Variants in CFAP276 observed in about 807,000 individuals in gnomAD.
CFAP276 encodes the protein cilia and flagella associated protein 276.
the CFAP276 span, among the ~76,000 whole-genome samples, chr1:109,111,403 G>C: frequency 6.6e-6 from 1 of 151,798 alleles, no homozygotes; most frequent in African/African-American, 2.4e-5. Context: ...CCAGGAGTTC[G>C]AGGCTGCAGT....
At chr1:109,106,793 G>T in the CFAP276 span, 18 of 1,140,218 alleles carry the variant, frequency 1.6e-5, no homozygotes, top group Admixed American at 4.1e-4. Flanking sequence ...ATTAACCAAA[G>T]ATTTTGTTTA....
the CFAP276 span, among the ~76,000 whole-genome samples, chr1:109,112,047 T>G: frequency 6.6e-6 from 1 of 152,210 alleles, no homozygotes; most frequent in Non-Finnish European, 1.5e-5. Flanking sequence ...TAGACCACAA[T>G]CACCACTTAA....
chr1:109,113,523 CG>C, the CFAP276 span: 2 of 984,346 alleles, frequency 2.0e-6, no homozygotes, highest in Non-Finnish European at 3.0e-6. Flanking sequence ...CGCTTAAACT[CG>C]GATCAACTAC....
chr1:109,111,712 C>G, the CFAP276 span, among the ~76,000 whole-genome samples: 1 of 152,208 alleles, frequency 6.6e-6, no homozygotes, highest in Non-Finnish European at 1.5e-5. Flanking sequence ...CCTTGCATAT[C>G]TGGTTCCTGT....
the CFAP276 span, among the ~76,000 whole-genome samples, chr1:109,110,809 A>G: frequency 1.3e-5 from 2 of 152,142 alleles, no homozygotes; most frequent in African/African-American, 4.8e-5. Flanking sequence ...CTACAAAAAC[A>G]TCTACATAGT....
the CFAP276 span, chr1:109,112,684 A>G: frequency 3.2e-6 from 5 of 1,550,146 alleles, no homozygotes; most frequent in Non-Finnish European, 4.4e-6. Flanking sequence ...AGGCATGGCT[A>G]AATGCCTAAC....
At chr1:109,106,841 T>A in the CFAP276 span, 1 of 893,458 alleles carries the variant, frequency 1.1e-6, no homozygotes. Context: ...TCTGTTCATC[T>A]TAGACAGTGA....
At chr1:109,111,486 T>A in the CFAP276 span, among the ~76,000 whole-genome samples, 47,050 of 145,484 alleles carry the variant, frequency 0.32, 9,830 homozygotes, top group African/African-American at 0.59. Context: ...AAAAAAAAAA[T>A]ATCCCACAAT....
chr1:109,109,041 C>A, the CFAP276 span, among the ~76,000 whole-genome samples: 1 of 152,124 alleles, frequency 6.6e-6, no homozygotes, highest in Non-Finnish European at 1.5e-5. Flanking sequence ...ATGTAAAATG[C>A]CATATTCACC....
the CFAP276 span, among the ~76,000 whole-genome samples, chr1:109,109,533 C>CTTT: frequency 1.0e-4 from 12 of 114,966 alleles, no homozygotes; most frequent in African/African-American, 2.3e-4. Context: ...TGAGCCATAC[C>CTTT]TTTTTTTTTT....
the CFAP276 span, among the ~76,000 whole-genome samples, chr1:109,111,108 A>G: frequency 6.6e-6 from 1 of 151,970 alleles, no homozygotes; most frequent in African/African-American, 2.4e-5. Flanking sequence ...CTCTCATCCT[A>G]TCCAGTCTGC....
chr1:109,108,020 G>GTTTTTTTTTTTT, the CFAP276 span: 1 of 1,605,190 alleles, frequency 6.2e-7, no homozygotes, highest in Non-Finnish European at 8.5e-7. Context: ...GGTGTGTTGG[G>GTTTTTTTTTTTT]TTCTTATATG....
At chr1:109,112,019 G>T in the CFAP276 span, among the ~76,000 whole-genome samples, 1 of 152,064 alleles carries the variant, frequency 6.6e-6, no homozygotes, top group Admixed American at 6.5e-5. Context: ...AATAAAAAGG[G>T]GCTCTCAATA....
the CFAP276 span, chr1:109,107,862 GAA>G: frequency 6.6e-3 from 7,767 of 1,172,994 alleles, no homozygotes; most frequent in Middle Eastern, 7.5e-3. Context: ...TGGGTGACAG[GAA>G]AAAAAAAAAA....
At chr1:109,113,169 C>G in the CFAP276 span, among the ~76,000 whole-genome samples, 1 of 151,998 alleles carries the variant, frequency 6.6e-6, no homozygotes, top group Non-Finnish European at 1.5e-5. Flanking sequence ...GCGGGCGGAT[C>G]GCTTAAGCCC....
chr1:109,110,802 C>T, the CFAP276 span, among the ~76,000 whole-genome samples: 1 of 152,178 alleles, frequency 6.6e-6, no homozygotes, highest in Non-Finnish European at 1.5e-5. Flanking sequence ...ACAGTCACTA[C>T]AAAAACATCT....
At chr1:109,113,056 A>T in the CFAP276 span, among the ~76,000 whole-genome samples, 1 of 152,178 alleles carries the variant, frequency 6.6e-6, no homozygotes, top group Non-Finnish European at 1.5e-5. Flanking sequence ...CTCGCACCTA[A>T]CAAAAGGCTT....
the CFAP276 span, chr1:109,105,991 T>C: frequency 1.3e-6 from 2 of 1,539,398 alleles, no homozygotes; most frequent in South Asian, 2.3e-5. Flanking sequence ...TGGGCCGCAG[T>C]ATGTTTCACT....
chr1:109,113,469 G>GAGGGAGA, the CFAP276 span, among the ~76,000 whole-genome samples: 1 of 74,936 alleles, frequency 1.3e-5, no homozygotes, highest in African/African-American at 7.6e-5. Context: ...AGAGAGAGAG[G>GAGGGAGA]CCCACGTGCG....
Sources: allele counts gnomAD v4.1 joint callset (sites outside exome capture counted in the v4.1 genomes callset), GRCh38; gene constraint gnomAD v4.1.1; transcripts MANE v1.5; gene names NCBI Gene and HGNC (gene_info 2026-07-23, HGNC 2026-07-21).